The following PIK3C2G variants were observed in gnomAD, a reference collection of about 807,000 sequenced individuals.
PIK3C2G encodes phosphatidylinositol 3-kinase C2 domain-containing subunit gamma.
Under a neutral mutation model 181.1 loss-of-function variants are expected in PIK3C2G, and 168 were observed. That is an observed-to-expected ratio of 0.93 (90% CI 0.82 to 1.05). The LOEUF (loss-of-function observed/expected upper bound fraction) is 1.05. Among genes scored for constraint, PIK3C2G ranks in the 50% least tolerant of loss-of-function variants. The pLI, the probability that PIK3C2G is intolerant of heterozygous loss-of-function variation, is 0.00. For missense variants in PIK3C2G, 1,869 were observed against 1,732.8 expected, an observed-to-expected ratio of 1.08 and a Z score of -1.40; for synonymous variants, 573 against 592.2, an observed-to-expected ratio of 0.97 and a Z score of 0.47.
At chr12:18,625,135 T>C (rs1949036962) in intron 31 of PIK3C2G, among the ~76,000 whole-genome samples, 1 of 151,780 alleles carries the variant, frequency 6.6e-6, no homozygotes, top group Admixed American at 6.6e-5. Flanking sequence ...GCAAGTTTTG[T>C]TCTTATTTGA....
At chr12:18,390,088 T>C (rs1321185242) in intron 14 of PIK3C2G, among the ~76,000 whole-genome samples, 2 of 152,336 alleles carry the variant, frequency 1.3e-5, no homozygotes, top group South Asian at 4.1e-4. Context: ...CTCGTACTTG[T>C]TTATTTTATC....
In PIK3C2G at chr12:18,320,842, C is replaced by T. The variant is rs921359516; in HGVS notation, c.1138-120C>T. 8.8e-5 allele frequency: 56 copies of T among 635,086 alleles called. 1 individual carries two copies. The highest frequency in any genetic ancestry group is 1.5e-4 in the Non-Finnish European group (52 of 356,092). 39.3% of individuals were successfully genotyped at this position (635,086 alleles called of 1,614,324 possible). On this transcript the variant is annotated intron_variant, in intron 6 of 32. Coordinates refer to ENST00000538779, the MANE Select transcript of PIK3C2G (RefSeq NM_001288772.2). ...AGGTCTTTCAGACAGAATATAAAAG[C>T]GATGAATGAGGTTTATCAAAATAGG...
intron 30 of PIK3C2G, among the ~76,000 whole-genome samples, chr12:18,606,008 C>G (rs892943163): frequency 6.6e-6 from 1 of 152,114 alleles, no homozygotes; most frequent in Non-Finnish European, 1.5e-5. Flanking sequence ...ACATAAAGCT[C>G]TTAGCCTGGC....
chr12:18,367,980 G>A (rs1050831960), intron 12 of PIK3C2G, among the ~76,000 whole-genome samples: 4 of 152,136 alleles, frequency 2.6e-5, no homozygotes, highest in African/African-American at 9.7e-5. Flanking sequence ...TTCACCAGGT[G>A]GCAGGAAAAG....
intron 24 of PIK3C2G, among the ~76,000 whole-genome samples, chr12:18,522,819 A>G (rs563331671): frequency 2.8e-4 from 43 of 152,204 alleles, no homozygotes; most frequent in Non-Finnish European, 6.0e-4. Flanking sequence ...TTTATTAAAT[A>G]TGCTTTCTAG....
chr12:18,337,671 G>A (rs902544383), intron 8 of PIK3C2G, among the ~76,000 whole-genome samples: 3 of 152,114 alleles, frequency 2.0e-5, no homozygotes, highest in Admixed American at 1.3e-4. Flanking sequence ...CAGATTTTGT[G>A]AGAACTCACT....
intron 5 of PIK3C2G, among the ~76,000 whole-genome samples, chr12:18,311,975 C>T (rs1190996519): frequency 6.6e-6 from 1 of 152,134 alleles, no homozygotes; most frequent in East Asian, 1.9e-4. Flanking sequence ...TGTTTGAGAG[C>T]AGGAAGCATC....
intron 15 of PIK3C2G, among the ~76,000 whole-genome samples, chr12:18,397,391 A>G (rs569414709): frequency 6.6e-6 from 1 of 152,184 alleles, no homozygotes; most frequent in South Asian, 2.1e-4. Flanking sequence ...AAATATGTGC[A>G]AAACATTTAT....
chr12:18,577,492 A>C (rs1565525973), intron 29 of PIK3C2G, among the ~76,000 whole-genome samples: 1 of 152,208 alleles, frequency 6.6e-6, no homozygotes, highest in Non-Finnish European at 1.5e-5. Flanking sequence ...AATTCCAGGC[A>C]CTACATTGTT....
At chr12:18,494,925 AAC>A (rs999186217) in intron 20 of PIK3C2G, among the ~76,000 whole-genome samples, 1 of 151,848 alleles carries the variant, frequency 6.6e-6, no homozygotes, top group Non-Finnish European at 1.5e-5. Flanking sequence ...TTTCTAACTA[AAC>A]AATCCCTTGC....
In PIK3C2G at chr12:18,460,374, A is replaced by G. The variant is rs891383516; in HGVS notation, c.2505-28075A>G. On this transcript the variant is annotated intron_variant, in intron 18 of 32. Coordinates refer to ENST00000538779, the MANE Select transcript of PIK3C2G (RefSeq NM_001288772.2). ...GGATCACGAGGTCAGGAGTTTGAGA[A>G]CAGCCTGGCCAATATGGTGAAACAC... Among the ~76,000 whole-genome samples, 11 of 151,898 alleles carry G rather than the reference A, an allele frequency of 7.2e-5. No homozygotes were observed. In the South Asian group the frequency reaches 1.0e-3, roughly 14 times the overall value.
At chr12:18,701,721 G>A in the PIK3C2G span, 1 of 1,611,384 alleles carries the variant, frequency 6.2e-7, no homozygotes, top group East Asian at 2.2e-5. Flanking sequence ...TCTTTCATGG[G>A]TTTCCTTTAA....
At chr12:18,280,358 GA>G (rs2137111313) in intron 1 of PIK3C2G, among the ~76,000 whole-genome samples, 1 of 152,088 alleles carries the variant, frequency 6.6e-6, no homozygotes, top group East Asian at 1.9e-4. Context: ...GTAAACAGTA[GA>G]AAATATACAG....
intron 31 of PIK3C2G, among the ~76,000 whole-genome samples, chr12:18,615,814 C>A (rs181321708): frequency 2.8e-4 from 43 of 152,104 alleles, no homozygotes; most frequent in Non-Finnish European, 1.5e-5. Flanking sequence ...TTCTCTCCTG[C>A]ACAAAACATT....
chr12:18,617,240 T>G lies in PIK3C2G; in HGVS notation c.4182+7611T>G, dbSNP rs10743274. ...TGTGCATACAGAGAGATTACCTCAA[T>G]AAAAGTGTCACCTATCATTCAACTC... On this transcript the variant is annotated intron_variant, in intron 31 of 32. Coordinates refer to ENST00000538779, the MANE Select transcript of PIK3C2G (RefSeq NM_001288772.2). 6.8e-3 allele frequency among the ~76,000 whole-genome samples: 1,037 copies of G among 152,212 alleles called. 7 individuals are homozygous for G. The highest frequency in any genetic ancestry group is 8.9e-3 in the African/African-American group (368 of 41,542).
chr12:18,638,972 A>G (rs1024649098), intron 31 of PIK3C2G, among the ~76,000 whole-genome samples: 1 of 150,662 alleles, frequency 6.6e-6, no homozygotes, highest in African/African-American at 2.4e-5. Flanking sequence ...AAAAAAAAAA[A>G]TCTACTCCCA....
Position 18,290,992 on chromosome 12 carries a change from C to G in PIK3C2G, c.899C>G (p.Pro300Arg), listed in dbSNP as rs1205183146. The G allele has an allele frequency of 6.2e-7, 1 of 1,601,540 alleles. No individual in the cohort carries two copies. Among genetic ancestry groups the G allele is most frequent in the Admixed American group, 1.7e-5 (1 of 59,562 alleles). Residue 300 changes from proline to arginine, a missense_variant, in exon 4 of 33, where the codon CCT becomes CGT. Transcript: ENST00000538779. ...ATTTTTATTGATAACTCAACACAAC[C>G]TCTTCATTTTATGCCATGTGGTAAG... ...IHIFIDNSTQ[P>R]LHFMPCANYL...
At chr12:18,577,957 T>G (rs766119230) in intron 29 of PIK3C2G, among the ~76,000 whole-genome samples, 15 of 152,204 alleles carry the variant, frequency 9.9e-5, no homozygotes, top group Non-Finnish European at 1.8e-4. Flanking sequence ...CAACAAATGT[T>G]TATTGATTGC....
At chr12:18,284,701 G>T (rs1468926744) in intron 2 of PIK3C2G, among the ~76,000 whole-genome samples, 1 of 152,006 alleles carries the variant, frequency 6.6e-6, no homozygotes, top group Non-Finnish European at 1.5e-5. Context: ...AAAAACAAAG[G>T]CCAAGTCCAG....
Sources: allele counts gnomAD v4.1 joint callset (sites outside exome capture counted in the v4.1 genomes callset), GRCh38; gene constraint gnomAD v4.1.1; transcripts MANE v1.5; gene names NCBI Gene and HGNC (gene_info 2026-07-23, HGNC 2026-07-21).